Variants in CABIN1 observed in about 807,000 individuals in gnomAD.
CABIN1 encodes calcineurin binding protein 1, also known as calcineurin-binding protein cabin-1.
A neutral mutation model predicts 227.7 loss-of-function variants in CABIN1; 133 were observed. That is an observed-to-expected ratio of 0.58 (90% CI 0.51 to 0.67). The LOEUF (loss-of-function observed/expected upper bound fraction) is 0.67, where lower values mean the gene tolerates loss of function less well. Among genes scored for constraint, CABIN1 ranks in the 30% least tolerant of loss-of-function variants. The pLI is 0.00. For missense variants in CABIN1, 2,408 were observed against 2,852.5 expected (o/e 0.84, Z 3.55); for synonymous variants, 1,086 against 1,155.1 (o/e 0.94, Z 1.21).
At chr22:24,076,842 C>T (rs754394988) in intron 19 of CABIN1, among the ~76,000 whole-genome samples, 15 of 152,168 alleles carry the variant, frequency 9.9e-5, no homozygotes, top group Admixed American at 2.6e-4. Context: ...AACCCTGTCT[C>T]CAATCTCACT....
chr22:24,109,351 A>G lies in CABIN1; in HGVS notation c.4118-4215A>G, dbSNP rs542446533. Reference sequence around the variant, plus strand: ...GTGATCCTCCCACCTCAGCCTCCCAAGTAACTGCCACGCCTGCCTAATTTT... The same window carrying G: ...GTGATCCTCCCACCTCAGCCTCCCAGGTAACTGCCACGCCTGCCTAATTTT... On this transcript the variant is annotated intron_variant, in intron 26 of 36. Coordinates refer to ENST00000263119, the MANE Select transcript of CABIN1 (RefSeq NM_012295.4). Among the ~76,000 whole-genome samples, 28 of 151,412 alleles carry G rather than the reference A, an allele frequency of 1.8e-4. No individual in the cohort carries two copies. In the East Asian group the frequency reaches 5.0e-3, roughly 27 times the overall value.
At chr22:24,119,285 C>T (rs377465887) in intron 27 of CABIN1, 82 bp from the exon 28 acceptor site, 12 of 1,199,270 alleles carry the variant, frequency 1.0e-5, no homozygotes, top group South Asian at 2.4e-5. Flanking sequence ...TTCACCAAGG[C>T]GCCTCCGTTA....
At chr22:24,092,160 A>G in intron 24 of CABIN1, 2 of 425,006 alleles carry the variant, frequency 4.7e-6, no homozygotes, top group Non-Finnish European at 8.7e-6. Context: ...TCCCAGGCCC[A>G]GGACATTCAC....
intron 14 of CABIN1, 86 bp downstream of exon 14, chr22:24,063,232 G>GTGTA: frequency 7.6e-7 from 1 of 1,322,834 alleles, no homozygotes; most frequent in Non-Finnish European, 1.1e-6. Context: ...GGGTGTGTGT[G>GTGTA]TGTATGTGTG....
At chr22:24,160,955 G>C (rs2046118476) in intron 29 of CABIN1, among the ~76,000 whole-genome samples, 3 of 152,200 alleles carry the variant, frequency 2.0e-5, no homozygotes, top group Admixed American at 6.5e-5. Context: ...AATCATAGCA[G>C]TCATGCCCTC....
chr22:24,156,271 G>C (rs1350136183), intron 29 of CABIN1, among the ~76,000 whole-genome samples: 1 of 152,080 alleles, frequency 6.6e-6, no homozygotes, highest in Non-Finnish European at 1.5e-5. Flanking sequence ...CCCGTGGGCT[G>C]TGGTTTCCCC....
At chr22:24,112,387 C>T (rs2042859448) in intron 26 of CABIN1, among the ~76,000 whole-genome samples, 1 of 152,162 alleles carries the variant, frequency 6.6e-6, no homozygotes, top group South Asian at 2.1e-4. Flanking sequence ...GCAGCCTTAA[C>T]CTCCCAAGCT....
intron 4 of CABIN1, among the ~76,000 whole-genome samples, chr22:24,040,133 A>G (rs147309826): frequency 4.6e-5 from 7 of 152,344 alleles, no homozygotes; most frequent in Non-Finnish European, 1.0e-4. Flanking sequence ...TGTTCCCACT[A>G]TTCTTTGAAG....
intron 1 of CABIN1, among the ~76,000 whole-genome samples, chr22:24,017,653 C>T (rs530364474): frequency 5.9e-5 from 9 of 152,268 alleles, no homozygotes; most frequent in African/African-American, 1.7e-4. Context: ...TAGCATATTT[C>T]GGAATTGCCT....
chr22:24,151,975 C>A (rs1475294212), intron 29 of CABIN1, among the ~76,000 whole-genome samples: 1 of 152,210 alleles, frequency 6.6e-6, no homozygotes, highest in African/African-American at 2.4e-5. Context: ...ACTAAGATCC[C>A]AGTTCTGCCT....
At chr22:24,066,835 G>GTA (rs755723384) in intron 15 of CABIN1, 152 bp from the exon 16 acceptor site, 30 of 704,014 alleles carry the variant, frequency 4.3e-5, no homozygotes, top group Non-Finnish European at 4.6e-5. Flanking sequence ...AAACACTGAT[G>GTA]TATGAAGGAG....
chr22:24,059,074 G>A (rs370901416), intron 10 of CABIN1, among the ~76,000 whole-genome samples, 153 bp from the exon 11 acceptor site: 10 of 152,354 alleles, frequency 6.6e-5, no homozygotes, highest in African/African-American at 2.4e-4. Flanking sequence ...GAGAGAGGCA[G>A]AGCCTCCTGG....
chr22:24,030,226 T>C (rs948219594), intron 1 of CABIN1, among the ~76,000 whole-genome samples: 1 of 152,206 alleles, frequency 6.6e-6, no homozygotes, highest in African/African-American at 2.4e-5. Context: ...TGAAGCATAA[T>C]AGCTCACAGC....
chr22:24,079,101 A>G (rs933711396), intron 19 of CABIN1, among the ~76,000 whole-genome samples: 11 of 152,156 alleles, frequency 7.2e-5, no homozygotes, highest in South Asian at 2.1e-4. Flanking sequence ...ACTTTTTAGT[A>G]TGGAAAATTC....
intron 26 of CABIN1, among the ~76,000 whole-genome samples, chr22:24,100,601 C>G (rs897514877): frequency 6.6e-6 from 1 of 152,238 alleles, no homozygotes; most frequent in Admixed American, 6.5e-5. Flanking sequence ...GGCGTCAGCA[C>G]TGATTGCAGG....
chr22:24,104,713 G>C (rs574294420), intron 26 of CABIN1, among the ~76,000 whole-genome samples: 1 of 152,364 alleles, frequency 6.6e-6, no homozygotes, highest in East Asian at 1.9e-4. Context: ...GGCCAGCCTT[G>C]CTTCTGGTGG....
At chr22:24,160,590 C>T (rs563630407) in intron 29 of CABIN1, among the ~76,000 whole-genome samples, 1 of 152,332 alleles carries the variant, frequency 6.6e-6, no homozygotes, top group African/African-American at 2.4e-5. Context: ...CCGGGTTGGC[C>T]CTGGCTGAGT....
At chr22:24,068,162 TG>T (rs1401325189) in intron 16 of CABIN1, among the ~76,000 whole-genome samples, 1 of 151,972 alleles carries the variant, frequency 6.6e-6, no homozygotes, top group Non-Finnish European at 1.5e-5. Flanking sequence ...ACCTCAGTCA[TG>T]GGGAAAGGGT....
At chr22:24,172,129 G>A (rs1489205398) in intron 34 of CABIN1, 134 bp downstream of exon 34, 1 of 1,099,184 alleles carries the variant, frequency 9.1e-7, no homozygotes, top group Non-Finnish European at 1.3e-6. Flanking sequence ...GGGTGGCGGG[G>A]CAGGTGACCG....
Sources: allele counts gnomAD v4.1 joint callset (sites outside exome capture counted in the v4.1 genomes callset), GRCh38; gene constraint gnomAD v4.1.1; transcripts MANE v1.5; gene names NCBI Gene and HGNC (gene_info 2026-07-23, HGNC 2026-07-21).